SLC12A9: variants seen among roughly 807,000 people sequenced by gnomAD.
SLC12A9 encodes CCC-interacting protein 1.
In SLC12A9, 55 loss-of-function variants were observed where a neutral mutation model predicts 66.0. The observed-to-expected ratio is 0.83, with a 90% CI of 0.67 to 1.04. The LOEUF (loss-of-function observed/expected upper bound fraction) is 1.04, where lower values mean the gene tolerates loss of function less well. Among genes scored for constraint, SLC12A9 ranks in the 50% least tolerant of loss-of-function variants. The probability of loss-of-function intolerance (pLI) is 0.00; values close to 1 mark genes in which losing one functional copy is unlikely to be tolerated. For missense variants in SLC12A9, 1,061 were observed against 1,241.9 expected (o/e 0.85, Z 2.19); for synonymous variants, 577 against 569.0 (o/e 1.01, Z -0.20).
intron 1 of SLC12A9, among the ~76,000 whole-genome samples, chr7:100,846,748 T>C (rs890126940): frequency 1.3e-5 from 2 of 152,156 alleles, no homozygotes; most frequent in African/African-American, 4.8e-5. Flanking sequence ...GCCCCTCATA[T>C]TGTCTTATGC....
At chr7:100,857,803 T>C (rs1414880842) in intron 5 of SLC12A9, 1 of 152,500 alleles carries the variant, frequency 6.6e-6, no homozygotes, top group Non-Finnish European at 1.5e-5. Context: ...TGCCAGACAC[T>C]CGGGAAGCTG....
At chr7:100,829,113 G>A (rs768391674) in intron 1 of SLC12A9, among the ~76,000 whole-genome samples, 1 of 151,708 alleles carries the variant, frequency 6.6e-6, no homozygotes, top group African/African-American at 2.4e-5. Flanking sequence ...TCAGCCTCCC[G>A]AGTAGCTGGG....
At position 100,862,683 on chromosome 7, in the gene SLC12A9, T is replaced by A. The variant is rs774281438; in HGVS notation, c.1714T>A (p.Ser572Thr). The change falls in exon 13 of 14, where the codon TCC (serine) becomes ACC (threonine). Residue 572 changes from serine (S) to threonine (T), a missense_variant and splice_region_variant. Ser to Thr is a moderately conservative substitution (Grantham distance 58, BLOSUM62 1). Transcript: ENST00000354161. ...TCCTTTCCTTATCTTCTCTGTAGAC[T>A]CCCTGCCCTCGGACCCTGTACAGCC... Reference protein sequence around the residue: ...LGHVTLGDLDSLPSDPVQPQY... With the variant: ...LGHVTLGDLDTLPSDPVQPQY... The A allele has an allele frequency of 1.7e-5, 28 of 1,614,028 alleles. No homozygotes were observed. The highest frequency in any genetic ancestry group is 2.1e-5 in the Non-Finnish European group (25 of 1,180,014).
At chr7:100,848,867 C>T (rs1466302021), upstream of SLC12A9, among the ~76,000 whole-genome samples, 2 of 149,738 alleles carry the variant, frequency 1.3e-5, no homozygotes, top group African/African-American at 4.9e-5. Context: ...GCCTGGGTGA[C>T]AGAGCTAGAC....
In SLC12A9 at chr7:100,857,074, A is replaced by G. The variant is rs766902806; in HGVS notation, c.655A>G (p.Ile219Val). ...ISFVAVGPRD[I>V]RLTPRPGPNG... ...TTTTGTGGCTGTGGGGCCGAGGGAC[A>G]TCCGCTTGACTCCTAGGCCTGGCCC... The change falls in exon 5 of 14, where the codon ATC becomes GTC. Residue 219 changes from isoleucine (I) to valine (V), a missense_variant. Transcript: ENST00000354161. The G allele has an allele frequency of 1.2e-6, 2 of 1,614,128 alleles. No homozygotes were observed. The highest frequency in any genetic ancestry group is 1.7e-6 in the Non-Finnish European group (2 of 1,180,032).
intron 5 of SLC12A9, chr7:100,858,486 A>C (rs1009035856): frequency 8.6e-5 from 17 of 196,740 alleles, no homozygotes; most frequent in Non-Finnish European, 1.8e-4. Flanking sequence ...GCTACTTGGC[A>C]GACTGAGGCA....
chr7:100,836,777 C>T (rs960618755), intron 1 of SLC12A9, among the ~76,000 whole-genome samples: 2 of 148,682 alleles, frequency 1.3e-5, no homozygotes, highest in African/African-American at 5.0e-5. Flanking sequence ...GGGCGGTGCC[C>T]AAGGGCTCAT....
intron 1 of SLC12A9, among the ~76,000 whole-genome samples, chr7:100,838,984 C>T (rs563102964): frequency 6.6e-6 from 1 of 152,172 alleles, no homozygotes; most frequent in African/African-American, 2.4e-5. Flanking sequence ...CTCAATCAAT[C>T]ACGACCCTCT....
At chr7:100,865,487 T>C (rs544231147) in intron 13 of SLC12A9, 3 of 1,532,326 alleles carry the variant, frequency 2.0e-6, no homozygotes, top group Admixed American at 3.9e-5. Flanking sequence ...TTTGCCTGTT[T>C]AAGTGGAGGA....
intron 1 of SLC12A9, among the ~76,000 whole-genome samples, chr7:100,847,198 C>G (rs895735796): frequency 6.6e-6 from 1 of 152,172 alleles, no homozygotes; most frequent in African/African-American, 2.4e-5. Context: ...AATGGAAATA[C>G]AATGTTGGCC....
chr7:100,834,852 A>G (rs1008316449), intron 1 of SLC12A9, among the ~76,000 whole-genome samples: 1 of 152,090 alleles, frequency 6.6e-6, no homozygotes, highest in Non-Finnish European at 1.5e-5. Flanking sequence ...TGGGCAACAG[A>G]GCAAGACCCT....
intron 1 of SLC12A9, among the ~76,000 whole-genome samples, chr7:100,829,904 T>C (rs996298886): frequency 5.3e-5 from 8 of 151,744 alleles, no homozygotes; most frequent in Non-Finnish European, 8.8e-5. Flanking sequence ...GGCACACACC[T>C]GTAGTCCCAG....
chr7:100,866,577 T>C lies in SLC12A9; in HGVS notation c.2717T>C (p.Val906Ala). 1 of 1,586,902 alleles carries C rather than the reference T, an allele frequency of 6.3e-7. No individual in the cohort carries two copies. Among genetic ancestry groups the C allele is most frequent in the Non-Finnish European group, 8.6e-7 (1 of 1,167,860 alleles). The change falls in exon 14 of 14, where the codon GTC becomes GCC. Residue 906 changes from valine to alanine, a missense_variant. Coordinates refer to ENST00000354161, the MANE Select transcript of SLC12A9 (RefSeq NM_020246.4). The surrounding 1 kb of genome is among the most constrained non-coding windows in gnomAD (Gnocchi z 7.3). ...DLGPTLLVHG[V>A]TPVTCTDL is the part of the protein sequence containing the mutation. ...GGCCCCACGCTGCTGGTTCATGGGG[T>C]CACTCCAGTCACCTGCACTGATCTG...
intron 1 of SLC12A9, among the ~76,000 whole-genome samples, chr7:100,838,771 T>C (rs533906476): frequency 6.6e-6 from 1 of 152,210 alleles, no homozygotes; most frequent in East Asian, 1.9e-4. Flanking sequence ...AAGTAAAAAC[T>C]AAAAGGCAGA....
At chr7:100,850,806 G>A (rs187397332), upstream of SLC12A9, among the ~76,000 whole-genome samples, 435 of 149,044 alleles carry the variant, frequency 2.9e-3, 2 homozygotes, top group African/African-American at 9.9e-3. Flanking sequence ...CACAACCTCC[G>A]CCTCCCGTGT....
intron 1 of SLC12A9, among the ~76,000 whole-genome samples, chr7:100,847,111 G>A (rs1213457894): frequency 6.6e-6 from 1 of 152,128 alleles, no homozygotes; most frequent in Non-Finnish European, 1.5e-5. Context: ...TCTTGCCGAT[G>A]CCCCCGGCCG....
rs371337633 is a variant in SLC12A9 at position 100,835,889 on chromosome 7, C to T, written n.228+8842C>T. Among the ~76,000 whole-genome samples, 23 of 152,232 alleles carry T rather than the reference C, an allele frequency of 1.5e-4. No individual in the cohort carries two copies. The East Asian group carries it at 3.3e-3, about 22-fold the overall frequency. ...GAGCTTGTAGCAGAGGCCAGGGATG[C>T]CAAAGGGCATGGAGGTGGAGGAGAG... is the stretch of plus-strand genomic sequence containing the variant. On this transcript the variant is annotated intron_variant and non_coding_transcript_variant, in intron 1 of 1. Coordinates refer to the SLC12A9 transcript ENST00000461016.
chr7:100,832,485 C>A (rs541920126), intron 1 of SLC12A9, among the ~76,000 whole-genome samples: 3 of 152,162 alleles, frequency 2.0e-5, no homozygotes, highest in African/African-American at 7.2e-5. Context: ...TGCACTCCAA[C>A]CTGGGCAACA....
Position 100,866,680 on chromosome 7 carries a change from G to A in SLC12A9, c.*75G>A. ...CCTGATCCTTGGAGGAGGAGGAAGAGGAGGCCACTGTGGCCCGTGGCCCTG... is the reference window on the plus strand; with the variant it reads ...CCTGATCCTTGGAGGAGGAGGAAGAAGAGGCCACTGTGGCCCGTGGCCCTG... On this transcript the variant is annotated 3_prime_UTR_variant, in exon 14 of 14. Transcript: ENST00000354161. The surrounding 1 kb of genome is among the most constrained non-coding windows in gnomAD (Gnocchi z 7.3). The A allele has an allele frequency of 7.2e-7, 1 of 1,396,834 alleles. No individual in the cohort carries two copies. The highest frequency in any genetic ancestry group is 9.4e-7 in the Non-Finnish European group (1 of 1,065,808). 86.5% of individuals were successfully genotyped at this position (1,396,834 alleles called of 1,614,324 possible). A position where few individuals can be genotyped will look rare whatever the true frequency, so the allele number is the denominator to read the frequency against.
Sources: allele counts gnomAD v4.1 joint callset (sites outside exome capture counted in the v4.1 genomes callset), GRCh38; gene constraint gnomAD v4.1.1; non-coding constraint Gnocchi (gnomAD v3.1); transcripts MANE v1.5; gene names NCBI Gene and HGNC (gene_info 2026-07-23, HGNC 2026-07-21).